The following KANK1 variants were observed in gnomAD, a reference collection of about 807,000 sequenced individuals.
KANK1 encodes KN motif and ankyrin repeat domain-containing protein 1.
Under a neutral mutation model 106.2 loss-of-function variants are expected in KANK1, and 109 were observed. The ratio of observed to expected loss-of-function variants is 1.03; its 90% confidence interval spans 0.88 to 1.20. The LOEUF is 1.20. KANK1 is among the 50% of genes most tolerant of loss of function. The probability of loss-of-function intolerance (pLI) is 0.00; values close to 1 mark genes in which losing one functional copy is unlikely to be tolerated. For missense variants in KANK1, 2,399 were observed against 1,710.7 expected, an observed-to-expected ratio of 1.40 and a Z score of -7.10; for synonymous variants, 873 against 652.2, an observed-to-expected ratio of 1.34 and a Z score of -5.16.
At chr9:622,506 T>C (rs1483284274) in intron 1 of KANK1, among the ~76,000 whole-genome samples, 1 of 152,164 alleles carries the variant, frequency 6.6e-6, no homozygotes, top group African/African-American at 2.4e-5. Context: ...GAAAGGACAG[T>C]CTCTTCGAAG....
At chr9:736,632 T>C (rs1011367138) in intron 7 of KANK1, among the ~76,000 whole-genome samples, 2 of 151,826 alleles carry the variant, frequency 1.3e-5, no homozygotes, top group African/African-American at 4.8e-5. Flanking sequence ...CCCAGGAAGT[T>C]CAGGCTGCAG....
chr9:518,315 C>T (rs1229073750), intron 1 of KANK1, among the ~76,000 whole-genome samples: 1 of 151,736 alleles, frequency 6.6e-6, no homozygotes, highest in Non-Finnish European at 1.5e-5. Context: ...CGGTTGTTCA[C>T]ATGTTGAAGT....
At chr9:671,623 A>AAAAAAAAAAAAAAGAAG (rs79437342) in intron 1 of KANK1, among the ~76,000 whole-genome samples, 12,693 of 102,252 alleles carry the variant, frequency 0.12, 2,034 homozygotes, top group East Asian at 0.31. Context: ...CTCAAAAAAA[A>AAAAAAAAAAAAAAGAAG]AAAAGAGTGT....
At chr9:546,390 C>T (rs532162780) in intron 1 of KANK1, among the ~76,000 whole-genome samples, 1 of 152,090 alleles carries the variant, frequency 6.6e-6, no homozygotes, top group South Asian at 2.1e-4. Context: ...CCCCTGACAA[C>T]AAAGAATTAT....
chr9:688,613 A>G (rs949926305), intron 2 of KANK1, among the ~76,000 whole-genome samples: 1 of 148,100 alleles, frequency 6.8e-6, no homozygotes, highest in Admixed American at 6.8e-5. Flanking sequence ...AAAAAAAAAA[A>G]GAGTGAGAAA....
intron 1 of KANK1, among the ~76,000 whole-genome samples, chr9:644,859 G>A (rs934661803): frequency 6.6e-6 from 1 of 151,140 alleles, no homozygotes; most frequent in Admixed American, 6.6e-5. Flanking sequence ...GGTGGCTCAC[G>A]CCTGTAATCC....
Position 600,567 on chromosome 9 carries a change from G to C in KANK1, c.-83-76323G>C, listed in dbSNP as rs189238508. Among the ~76,000 whole-genome samples, 145 of 151,898 alleles carry C rather than the reference G, an allele frequency of 9.5e-4. 2 individuals are homozygous for C. The highest frequency in any genetic ancestry group is 3.3e-3 in the African/African-American group (137 of 41,230). On this transcript the variant is annotated intron_variant, in intron 1 of 11. Transcript: ENST00000382297. ...GTATGTGTATGAGCTATATAAACAG[G>C]TATTTTTAAATGCATTGTGGATCCA... is the stretch of plus-strand genomic sequence containing the variant.
In KANK1 at chr9:744,639, T is replaced by G. The variant is rs933308992; in HGVS notation, c.3996+50T>G. ...GTAAATAGGCTGAAATCCACCAGACTGGTGGACCCCCTTCCTCCAGGAATT... is the reference window on the plus strand; with the variant it reads ...GTAAATAGGCTGAAATCCACCAGACGGGTGGACCCCCTTCCTCCAGGAATT... On this transcript the variant is annotated intron_variant, in intron 11 of 11. Transcript: ENST00000382297. The G allele has an allele frequency of 1.9e-6, 3 of 1,613,826 alleles. No individual in the cohort carries two copies. In the African/African-American group the frequency reaches 4.0e-5, roughly 22 times the overall value.
chr9:578,733 G>A (rs1821259865), intron 1 of KANK1, among the ~76,000 whole-genome samples: 2 of 152,140 alleles, frequency 1.3e-5, no homozygotes, highest in Non-Finnish European at 2.9e-5. Context: ...TCAAGAAATT[G>A]TACTTGGATG....
chr9:742,285 T>C lies in KANK1; in HGVS notation c.3777T>C (p.Asp1259=). 1 of 1,614,202 alleles carries C rather than the reference T, an allele frequency of 6.2e-7. No individual in the cohort carries two copies. Among genetic ancestry groups the C allele is most frequent in the South Asian group, 1.1e-5 (1 of 91,082 alleles). ...MVKGLLACGA[D]VNIQDDEGST... is the part of the protein sequence containing the mutation. ...AGGGCCTTCTGGCCTGTGGGGCTGA[T>C]GTCAACATCCAGGATGACGAGGGCT... The change falls in exon 10 of 12, where the codon GAT becomes GAC. Residue 1259 remains aspartate (D), a synonymous_variant. Coordinates refer to ENST00000382297, the MANE Select transcript of KANK1 (RefSeq NM_015158.5).
intron 1 of KANK1, chr9:559,003 T>C (rs1021433878): frequency 6.6e-6 from 1 of 152,196 alleles, no homozygotes; most frequent in Admixed American, 6.5e-5. Flanking sequence ...GGGTTATAAA[T>C]AAGTTTTAGT....
intron 1 of KANK1, among the ~76,000 whole-genome samples, chr9:516,932 G>A (rs1305102288): frequency 6.6e-6 from 1 of 151,000 alleles, no homozygotes; most frequent in East Asian, 1.9e-4. Context: ...TTGTCCTAAT[G>A]AGGTTTGGCC....
intron 1 of KANK1, among the ~76,000 whole-genome samples, chr9:554,876 A>G (rs2061489033): frequency 6.6e-6 from 1 of 152,228 alleles, no homozygotes; most frequent in South Asian, 2.1e-4. Context: ...TGGCAAGGTT[A>G]TCTTGGGGTA....
At chr9:673,661 A>G (rs1336597524) in intron 1 of KANK1, 2 of 152,166 alleles carry the variant, frequency 1.3e-5, no homozygotes, top group Non-Finnish European at 1.5e-5. Context: ...AAGAGTTTCA[A>G]TAACAGGAGA....
At chr9:515,037 C>G (rs1297747400) in intron 1 of KANK1, among the ~76,000 whole-genome samples, 4 of 151,720 alleles carry the variant, frequency 2.6e-5, no homozygotes, top group African/African-American at 9.7e-5. Flanking sequence ...TATTGCATAG[C>G]AAAGTAGAAA....
At chr9:599,406 T>A (rs758410929) in intron 1 of KANK1, among the ~76,000 whole-genome samples, 1 of 151,890 alleles carries the variant, frequency 6.6e-6, no homozygotes, top group African/African-American at 2.4e-5. Flanking sequence ...CCAAATATTC[T>A]GTAGAGTGGT....
intron 1 of KANK1, among the ~76,000 whole-genome samples, chr9:675,518 C>CT (rs1183258926): frequency 1.3e-5 from 2 of 150,724 alleles, no homozygotes; most frequent in African/African-American, 4.9e-5. Flanking sequence ...ATTTTTTTTT[C>CT]TTTTTTTGTT....
intron 3 of KANK1, among the ~76,000 whole-genome samples, chr9:725,429 GT>G (rs777594816): frequency 3.0e-4 from 45 of 148,564 alleles, no homozygotes; most frequent in Admixed American, 4.8e-4. Context: ...GGAGGCGGAG[GT>G]TGCAGTGAAC....
intron 1 of KANK1, among the ~76,000 whole-genome samples, chr9:610,185 T>G (rs1830244140): frequency 6.6e-6 from 1 of 152,178 alleles, no homozygotes; most frequent in Non-Finnish European, 1.5e-5. Context: ...AATAACTAGA[T>G]TAAAGGTATG....
Sources: allele counts gnomAD v4.1 joint callset (sites outside exome capture counted in the v4.1 genomes callset), GRCh38; gene constraint gnomAD v4.1.1; transcripts MANE v1.5; gene names NCBI Gene and HGNC (gene_info 2026-07-23, HGNC 2026-07-21).